ADGRB3: variants seen among roughly 807,000 people sequenced by gnomAD.
ADGRB3 encodes the protein brain-specific angiogenesis inhibitor 3.
ADGRB3 carries 37 observed loss-of-function variants against 193.4 expected under a neutral mutation model. The ratio of observed to expected loss-of-function variants is 0.19; its 90% confidence interval spans 0.15 to 0.25. The LOEUF (loss-of-function observed/expected upper bound fraction) is 0.25, where lower values mean the gene tolerates loss of function less well. Among genes scored for constraint, ADGRB3 ranks in the 10% least tolerant of loss-of-function variants. The pLI, the probability that ADGRB3 is intolerant of heterozygous loss-of-function variation, is 1.00. For missense variants in ADGRB3, 1,637 were observed against 1,852.9 expected (o/e 0.88, Z 2.14); for synonymous variants, 690 against 644.2 (o/e 1.07, Z -1.08).
intron 15 of ADGRB3, among the ~76,000 whole-genome samples, chr6:69,060,220 TTCTCTCTC>T (rs556453350): frequency 4.6e-5 from 6 of 129,552 alleles, no homozygotes; most frequent in Admixed American, 1.5e-4. Flanking sequence ...CTCTCTCTCT[TTCTCTCTC>T]TCTCTCTCTC....
At position 69,215,453 on chromosome 6, in the gene ADGRB3, CGTGTGTGTGTGT is replaced by C. The variant is rs10651298; in HGVS notation, c.2481-17818_2481-17807del. Among the ~76,000 whole-genome samples the C allele has an allele frequency of 3.4e-5, 5 of 146,702 alleles. No homozygotes were observed. The South Asian group carries it at 9.0e-4, about 26-fold the overall frequency. On this transcript the variant is annotated intron_variant, in intron 17 of 31. Coordinates refer to ENST00000370598, the MANE Select transcript of ADGRB3 (RefSeq NM_001704.3). ...GAAAAGATGACAAAATGAACAGAAA[CGTGTGTGTGTGT>C]GTGTGTGTGTGTGTGTGTAGATAGA...
At chr6:68,830,690 A>G (rs1323096868) in intron 3 of ADGRB3, among the ~76,000 whole-genome samples, 1 of 152,122 alleles carries the variant, frequency 6.6e-6, no homozygotes, top group East Asian at 1.9e-4. Flanking sequence ...TTGATATAAA[A>G]TTAGTAATGA....
At chr6:68,877,567 AT>A in intron 3 of ADGRB3, among the ~76,000 whole-genome samples, 1 of 152,250 alleles carries the variant, frequency 6.6e-6, no homozygotes, top group East Asian at 1.9e-4. Flanking sequence ...CCAAATGGAT[AT>A]TCCTAAAGGA....
At chr6:68,957,184 C>A (rs562009389) in intron 8 of ADGRB3, among the ~76,000 whole-genome samples, 13 of 152,220 alleles carry the variant, frequency 8.5e-5, no homozygotes, top group South Asian at 2.1e-4. Flanking sequence ...TTGCGTTTGC[C>A]CCATTTTTCA....
At chr6:69,005,386 C>T (rs1406827685) in intron 11 of ADGRB3, among the ~76,000 whole-genome samples, 1 of 151,742 alleles carries the variant, frequency 6.6e-6, no homozygotes, top group Non-Finnish European at 1.5e-5. Flanking sequence ...AAAAATTCCC[C>T]ATCTGAGCTA....
intron 20 of ADGRB3, among the ~76,000 whole-genome samples, chr6:69,259,103 A>G (rs1417474210): frequency 6.6e-6 from 1 of 152,172 alleles, no homozygotes; most frequent in Non-Finnish European, 1.5e-5. Context: ...ACCTTCCTGG[A>G]GAAAAGCACA....
At chr6:68,636,511 G>T (rs1767958605) in intron 1 of ADGRB3, among the ~76,000 whole-genome samples, 1 of 151,768 alleles carries the variant, frequency 6.6e-6, no homozygotes, top group African/African-American at 2.4e-5. Context: ...GCCAGCCTTT[G>T]CCCCCGCCCC....
intron 11 of ADGRB3, among the ~76,000 whole-genome samples, chr6:69,012,113 A>G (rs1460706489): frequency 6.6e-6 from 1 of 152,132 alleles, no homozygotes; most frequent in African/African-American, 2.4e-5. Flanking sequence ...TATTGTCTTC[A>G]TCAAGGAATT....
intron 16 of ADGRB3, among the ~76,000 whole-genome samples, chr6:69,065,800 T>C (rs620533): frequency 0.29 from 39,269 of 136,958 alleles, 6,960 homozygotes; most frequent in East Asian, 0.88. Flanking sequence ...CACACACACA[T>C]ATGTACATAT....
At chr6:69,154,317 A>T (rs746673809) in intron 17 of ADGRB3, among the ~76,000 whole-genome samples, 3 of 152,154 alleles carry the variant, frequency 2.0e-5, no homozygotes, top group Non-Finnish European at 4.4e-5. Flanking sequence ...CTTCACTTTC[A>T]CTACCAGAAT....
At chr6:68,928,398 G>C (rs1767243568) in intron 3 of ADGRB3, among the ~76,000 whole-genome samples, 1 of 152,048 alleles carries the variant, frequency 6.6e-6, no homozygotes, top group African/African-American at 2.4e-5. Context: ...AGGCATGGTG[G>C]ATGGTGCTTG....
At chr6:68,767,298 A>G (rs984215068) in intron 3 of ADGRB3, among the ~76,000 whole-genome samples, 5 of 152,194 alleles carry the variant, frequency 3.3e-5, no homozygotes, top group African/African-American at 1.2e-4. Context: ...TTAAAATAAT[A>G]CTGGCAAGCC....
At chr6:69,083,861 G>A (rs1772469493) in intron 17 of ADGRB3, among the ~76,000 whole-genome samples, 1 of 146,628 alleles carries the variant, frequency 6.8e-6, no homozygotes, top group African/African-American at 2.5e-5. Context: ...TGCAATCTCT[G>A]CCTTCCAGGT....
rs1176262826 is a variant in ADGRB3 at position 68,679,852 on chromosome 6, A to G, written c.757+40420A>G. On this transcript the variant is annotated intron_variant, in intron 3 of 31. Transcript: ENST00000370598. ...ATAATTGAGAACAGTAAACACTTAAAAAATAGTCAAATAACAAAAAATGCT... is the reference window on the plus strand; with the variant it reads ...ATAATTGAGAACAGTAAACACTTAAGAAATAGTCAAATAACAAAAAATGCT... Among the ~76,000 whole-genome samples the G allele has an allele frequency of 2.6e-5, 4 of 152,214 alleles. No individual in the cohort carries two copies. In the East Asian group the frequency reaches 7.7e-4, roughly 29 times the overall value.
chr6:69,025,129 A>G (rs1199942910), intron 13 of ADGRB3, among the ~76,000 whole-genome samples: 1 of 151,878 alleles, frequency 6.6e-6, no homozygotes, highest in Admixed American at 6.6e-5. Context: ...ATAAAATAAA[A>G]TAAATATTAA....
intron 17 of ADGRB3, among the ~76,000 whole-genome samples, chr6:69,161,165 T>C (rs1337283517): frequency 3.3e-5 from 5 of 152,072 alleles, no homozygotes; most frequent in Admixed American, 3.3e-4. Context: ...TAATATGTAA[T>C]CTGCACAATT....
At chr6:68,859,501 A>G (rs973957485) in intron 3 of ADGRB3, among the ~76,000 whole-genome samples, 1 of 152,298 alleles carries the variant, frequency 6.6e-6, no homozygotes, top group East Asian at 1.9e-4. Flanking sequence ...ATTTATAAAG[A>G]AAAGTTTAAT....
At chr6:69,149,792 C>T (rs1193246931) in intron 17 of ADGRB3, among the ~76,000 whole-genome samples, 3 of 152,084 alleles carry the variant, frequency 2.0e-5, no homozygotes, top group East Asian at 1.9e-4. Context: ...AGTAATGCTG[C>T]GGCTCTTGCA....
At chr6:68,962,937 G>T (rs915857726) in intron 8 of ADGRB3, among the ~76,000 whole-genome samples, 1 of 152,066 alleles carries the variant, frequency 6.6e-6, no homozygotes, top group African/African-American at 2.4e-5. Flanking sequence ...GTACCTTTAT[G>T]TCTAATCACT....
Sources: gnomAD v4.1 joint callset for allele counts (sites outside exome capture counted in the v4.1 genomes callset) on GRCh38, gnomAD v4.1.1 for gene constraint, MANE v1.5 for transcripts, NCBI Gene and HGNC (gene_info 2026-07-23, HGNC 2026-07-21) for gene names.